The following AFG2A variants were observed in gnomAD, a reference collection of about 807,000 sequenced individuals.
The protein encoded by AFG2A is AAA ATPase AFG2A, also known as ATPase family gene 2 protein homolog A.
At chr4:122,960,668 A>T in the AFG2A span, among the ~76,000 whole-genome samples, 1 of 152,202 alleles carries the variant, frequency 6.6e-6, no homozygotes, top group Non-Finnish European at 1.5e-5. Context: ...TTAAATAATT[A>T]TTTTGTTATT....
At chr4:123,077,386 A>G in the AFG2A span, among the ~76,000 whole-genome samples, 2 of 151,902 alleles carry the variant, frequency 1.3e-5, no homozygotes, top group Non-Finnish European at 2.9e-5. Flanking sequence ...TGGCTCTGTT[A>G]CCTGCATGAT....
At chr4:123,261,229 C>T in the AFG2A span, among the ~76,000 whole-genome samples, 1 of 152,154 alleles carries the variant, frequency 6.6e-6, no homozygotes, top group Non-Finnish European at 1.5e-5. Context: ...GCTGCTATCA[C>T]CAAGTAGTCT....
chr4:123,125,085 A>G, the AFG2A span, among the ~76,000 whole-genome samples: 1 of 152,146 alleles, frequency 6.6e-6, no homozygotes, highest in African/African-American at 2.4e-5. Context: ...GAAAGTCTAT[A>G]CTTGTATGTA....
the AFG2A span, among the ~76,000 whole-genome samples, chr4:123,116,912 T>C: frequency 6.6e-6 from 1 of 152,166 alleles, no homozygotes; most frequent in East Asian, 1.9e-4. Flanking sequence ...GGTGTTGGTG[T>C]TGTACAGAAT....
the AFG2A span, among the ~76,000 whole-genome samples, chr4:122,932,418 C>T: frequency 6.6e-6 from 1 of 152,042 alleles, no homozygotes; most frequent in Admixed American, 6.5e-5. Context: ...GTCTTGAACT[C>T]CTGAGCTCAA....
the AFG2A span, among the ~76,000 whole-genome samples, chr4:123,135,351 A>G: frequency 5.3e-5 from 8 of 152,252 alleles, no homozygotes; most frequent in African/African-American, 1.9e-4. Flanking sequence ...CATGAACAAT[A>G]CAAGATGCTT....
the AFG2A span, among the ~76,000 whole-genome samples, chr4:123,162,566 CAT>C: frequency 1.3e-5 from 2 of 152,112 alleles, no homozygotes; most frequent in South Asian, 2.1e-4. Flanking sequence ...AAAATTTACT[CAT>C]ATTATTGCAT....
At chr4:122,934,790 G>C in the AFG2A span, 1 of 1,513,844 alleles carries the variant, frequency 6.6e-7, no homozygotes, top group Non-Finnish European at 8.8e-7. Context: ...CAAATTAAAA[G>C]ACAGTTGACA....
chr4:123,093,735 A>G, the AFG2A span, among the ~76,000 whole-genome samples: 7 of 152,172 alleles, frequency 4.6e-5, no homozygotes, highest in Non-Finnish European at 8.8e-5. Flanking sequence ...GGGAGGAGTA[A>G]AAATCTCTGG....
the AFG2A span, among the ~76,000 whole-genome samples, chr4:122,999,350 T>G: frequency 1.6e-3 from 241 of 152,274 alleles, no homozygotes; most frequent in Middle Eastern, 6.8e-3. Flanking sequence ...TTGTTGCCAT[T>G]GCTTTTGGTG....
At chr4:123,281,111 A>T in the AFG2A span, among the ~76,000 whole-genome samples, 1 of 151,914 alleles carries the variant, frequency 6.6e-6, no homozygotes, top group Non-Finnish European at 1.5e-5. Context: ...TTTTTATTTA[A>T]ATTGATATAG....
chr4:123,250,553 T>C, the AFG2A span, among the ~76,000 whole-genome samples: 1 of 152,138 alleles, frequency 6.6e-6, no homozygotes, highest in South Asian at 2.1e-4. Context: ...TTTTTGTATG[T>C]ATAGTTTGAG....
chr4:123,168,348 C>CT, the AFG2A span, among the ~76,000 whole-genome samples: 1,992 of 152,256 alleles, frequency 0.013, 45 homozygotes, highest in African/African-American at 0.046. Flanking sequence ...TAAAGCAAAT[C>CT]TAAGTCCCTG....
chr4:122,996,168 T>C, the AFG2A span, among the ~76,000 whole-genome samples: 5 of 152,166 alleles, frequency 3.3e-5, no homozygotes, highest in Admixed American at 3.3e-4. Context: ...CCACTTCATA[T>C]TTTTGCACAT....
chr4:122,928,988 G>A, the AFG2A span: 6 of 1,572,826 alleles, frequency 3.8e-6, no homozygotes, highest in African/African-American at 8.2e-5. Flanking sequence ...ATAAATTGAT[G>A]GTATTCTATG....
chr4:123,002,616 A>T, the AFG2A span, among the ~76,000 whole-genome samples: 1 of 152,168 alleles, frequency 6.6e-6, no homozygotes, highest in Admixed American at 6.5e-5. Flanking sequence ...TTTCTTTAAG[A>T]ATGTTGAATA....
chr4:123,057,215 C>G, the AFG2A span: 2 of 1,613,732 alleles, frequency 1.2e-6, no homozygotes, highest in Admixed American at 3.3e-5. Context: ...CCAGACCTTC[C>G]GAAAAGCAAG....
chr4:122,945,150 C>T, the AFG2A span, among the ~76,000 whole-genome samples: 1 of 152,188 alleles, frequency 6.6e-6, no homozygotes, highest in Admixed American at 6.5e-5. Flanking sequence ...GCTGGGAGAA[C>T]CACGGCTCTC....
At chr4:123,102,229 C>T in the AFG2A span, 1 of 140,660 alleles carries the variant, frequency 7.1e-6, no homozygotes, top group Non-Finnish European at 1.5e-5. Flanking sequence ...TTTATTTCTT[C>T]AAACAGATCA....
Sources: gnomAD v4.1 joint callset for allele counts (sites outside exome capture counted in the v4.1 genomes callset) on GRCh38, gnomAD v4.1.1 for gene constraint, MANE v1.5 for transcripts, NCBI Gene and HGNC (gene_info 2026-07-23, HGNC 2026-07-21) for gene names.